The following RBMS3 variants were observed in gnomAD, a reference collection of about 807,000 sequenced individuals.
RBMS3 encodes the protein RNA binding motif single stranded interacting protein 3.
A neutral mutation model predicts 66.8 loss-of-function variants in RBMS3; 27 were observed. That is an observed-to-expected ratio of 0.40 (90% CI 0.30 to 0.56). RBMS3 has a LOEUF of 0.56. RBMS3 is among the 20% of genes least tolerant of loss of function. The pLI is 0.40. For synonymous variants in RBMS3, 188 were observed against 183.0 expected (o/e 1.03, Z -0.22); for missense variants, 513 against 549.5 (o/e 0.93, Z 0.66).
At chr3:29,564,958 C>T (rs1319977963) in intron 3 of RBMS3, among the ~76,000 whole-genome samples, 1 of 152,128 alleles carries the variant, frequency 6.6e-6, no homozygotes, top group East Asian at 1.9e-4. Context: ...GCTTCCTAGA[C>T]AAGGATGCTT....
intron 1 of RBMS3, among the ~76,000 whole-genome samples, chr3:29,343,342 G>A (rs1413713042): frequency 2.0e-5 from 3 of 151,580 alleles, no homozygotes; most frequent in African/African-American, 7.3e-5. Context: ...TAGTTGTACC[G>A]ACACTGATAA....
intron 8 of RBMS3, among the ~76,000 whole-genome samples, chr3:29,893,857 T>C (rs2060060880): frequency 6.6e-6 from 1 of 151,498 alleles, no homozygotes; most frequent in Non-Finnish European, 1.5e-5. Flanking sequence ...GCCACCCTGG[T>C]ATTGATCTTC....
intron 6 of RBMS3, among the ~76,000 whole-genome samples, chr3:29,788,644 C>G (rs1391262629): frequency 1.3e-5 from 2 of 152,152 alleles, no homozygotes; most frequent in African/African-American, 4.8e-5. Context: ...TCCTTACTTA[C>G]AGAGATCTAG....
intron 6 of RBMS3, among the ~76,000 whole-genome samples, chr3:29,769,075 T>A (rs898595347): frequency 6.6e-6 from 1 of 151,964 alleles, no homozygotes. Context: ...TATGACTTTT[T>A]GTTTTTTTAA....
At chr3:29,956,529 A>G (rs935362036) in intron 12 of RBMS3, among the ~76,000 whole-genome samples, 1 of 151,732 alleles carries the variant, frequency 6.6e-6, no homozygotes, top group Non-Finnish European at 1.5e-5. Context: ...TTAAGTAAGA[A>G]CTCTCCCTCA....
chr3:29,967,762 G>A (rs1696948520), intron 12 of RBMS3, among the ~76,000 whole-genome samples: 1 of 152,152 alleles, frequency 6.6e-6, no homozygotes, highest in Non-Finnish European at 1.5e-5. Context: ...GTGTAAATGT[G>A]TTCACAGTAG....
intron 12 of RBMS3, among the ~76,000 whole-genome samples, chr3:29,981,702 T>C (rs1006302218): frequency 1.3e-5 from 2 of 152,228 alleles, no homozygotes; most frequent in African/African-American, 4.8e-5. Context: ...GTTTTTGTCA[T>C]TGGTCCTGTT....
chr3:29,928,659 G>A (rs997138061), intron 10 of RBMS3, among the ~76,000 whole-genome samples: 2 of 152,158 alleles, frequency 1.3e-5, no homozygotes, highest in Non-Finnish European at 2.9e-5. Flanking sequence ...AACTACAGCA[G>A]TTTACATGTG....
intron 1 of RBMS3, chr3:29,391,093 A>T (rs748839834): frequency 3.7e-6 from 1 of 268,460 alleles, no homozygotes; most frequent in Non-Finnish European, 8.5e-6. Context: ...TGACACCAAG[A>T]GACTAGGAAT....
intron 12 of RBMS3, among the ~76,000 whole-genome samples, chr3:29,984,720 G>T (rs1380159756): frequency 6.6e-6 from 1 of 152,128 alleles, no homozygotes. Flanking sequence ...GACCCTCTTT[G>T]CCTGGGTATG....
intron 6 of RBMS3, among the ~76,000 whole-genome samples, chr3:29,796,395 A>G (rs1405631494): frequency 1.3e-5 from 2 of 152,170 alleles, no homozygotes; most frequent in Non-Finnish European, 2.9e-5. Context: ...TCCTGTTAAT[A>G]TGGACATTTT....
At chr3:29,349,286 ACT>A (rs1276212819) in intron 1 of RBMS3, among the ~76,000 whole-genome samples, 5 of 152,018 alleles carry the variant, frequency 3.3e-5, no homozygotes, top group African/African-American at 4.8e-5. Flanking sequence ...CTACAGTCGT[ACT>A]CTCTCTATTC....
rs1256905525 is a variant in RBMS3, at chr3:29,986,760, T to C, written c.1099-1383T>C. ...GAGTTCAGGACCAGCTTGGCCAATA[T>C]GGCAAAACCCTGTCTCTACTAAAAA... On this transcript the variant is annotated intron_variant, in intron 12 of 14. Coordinates refer to ENST00000383767, the MANE Select transcript of RBMS3 (RefSeq NM_001003793.3). Among the ~76,000 whole-genome samples, 10 of 152,206 alleles carry C rather than the reference T, an allele frequency of 6.6e-5. No homozygotes were observed. In the East Asian group the frequency reaches 1.9e-3, roughly 30 times the overall value.
At chr3:29,891,982 C>T (rs931918611) in intron 8 of RBMS3, among the ~76,000 whole-genome samples, 5 of 151,282 alleles carry the variant, frequency 3.3e-5, no homozygotes, top group Non-Finnish European at 5.9e-5. Flanking sequence ...GCTTTTTGTA[C>T]AGTAAAAAAA....
intron 4 of RBMS3, among the ~76,000 whole-genome samples, chr3:29,633,937 A>G (rs1402821807): frequency 3.3e-5 from 5 of 151,958 alleles, no homozygotes; most frequent in Admixed American, 2.6e-4. Flanking sequence ...CTAAAAGAGC[A>G]TTTAGCAAAA....
chr3:29,968,782 G>A (rs908119530), intron 12 of RBMS3, among the ~76,000 whole-genome samples: 6 of 152,218 alleles, frequency 3.9e-5, no homozygotes, highest in Admixed American at 3.3e-4. Context: ...TGTTCTTGCA[G>A]TCGATCTAGA....
intron 3 of RBMS3, among the ~76,000 whole-genome samples, chr3:29,501,261 A>C (rs929817658): frequency 6.6e-6 from 1 of 152,212 alleles, no homozygotes; most frequent in African/African-American, 2.4e-5. Context: ...TCTTATTAAT[A>C]TGGACTATTA....
At chr3:29,524,466 C>G (rs1399634743) in intron 3 of RBMS3, among the ~76,000 whole-genome samples, 3 of 104,694 alleles carry the variant, frequency 2.9e-5, no homozygotes, top group Admixed American at 3.1e-4. Context: ...TTTGCTCTGT[C>G]TCCCAGGCTG....
intron 2 of RBMS3, among the ~76,000 whole-genome samples, chr3:29,483,751 T>C (rs368542375): frequency 6.6e-6 from 1 of 152,184 alleles, no homozygotes; most frequent in African/African-American, 2.4e-5. Context: ...CTCTAAGACA[T>C]ATAAAAATCA....
Sources: allele counts gnomAD v4.1 joint callset (sites outside exome capture counted in the v4.1 genomes callset), GRCh38; gene constraint gnomAD v4.1.1; transcripts MANE v1.5; gene names NCBI Gene and HGNC (gene_info 2026-07-23, HGNC 2026-07-21).